SGPP1: variants seen among roughly 807,000 people sequenced by gnomAD.
SGPP1 encodes hSPP1.
In SGPP1, 21 loss-of-function variants were observed where a neutral mutation model predicts 33.0. That is an observed-to-expected ratio of 0.64 (90% CI 0.45 to 0.92). The LOEUF is 0.92. Ranked by LOEUF, SGPP1 falls within the 40% of genes least tolerant of loss-of-function variation. The pLI, the probability that SGPP1 is intolerant of heterozygous loss-of-function variation, is 0.00. For missense variants in SGPP1, 543 were observed against 589.4 expected (o/e 0.92, Z 0.81); for synonymous variants, 239 against 241.2 (o/e 0.99, Z 0.08).
In SGPP1 at chr14:63,727,627, G is replaced by A. The variant is rs1204963799; in HGVS notation, c.318C>T (p.Gly106=). Residue 106 remains glycine, a synonymous_variant, in exon 1 of 3, where the codon GGC becomes GGT. Coordinates refer to ENST00000247225, the MANE Select transcript of SGPP1 (RefSeq NM_030791.4). ...CCGTCAGCGAGTTGCGGCGCAGAGC[G>A]CCCGCGCGCCGCGGCGAGGCCGGGC... ...ELGPASPRRA[G]ALRRNSLTGE... is the part of the protein sequence containing the mutation. The A allele has an allele frequency of 3.5e-6, 5 of 1,432,484 alleles. No homozygotes were observed. Among genetic ancestry groups the A allele is most frequent in the Middle Eastern group, 2.0e-4 (1 of 4,982 alleles). 88.7% of individuals were successfully genotyped at this position (1,432,484 alleles called of 1,614,324 possible). A position where few individuals can be genotyped will look rare whatever the true frequency, so the allele number is the denominator to read the frequency against.
intron 1 of SGPP1, among the ~76,000 whole-genome samples, chr14:63,708,071 A>C (rs915346094): frequency 5.3e-5 from 8 of 152,098 alleles, no homozygotes; most frequent in Non-Finnish European, 1.0e-4. Context: ...ATTTTATAAA[A>C]AGTCAGAACT....
At chr14:63,725,179 C>T (rs1885854656) in intron 1 of SGPP1, among the ~76,000 whole-genome samples, 2 of 152,142 alleles carry the variant, frequency 1.3e-5, no homozygotes, top group Admixed American at 1.3e-4. Context: ...TCAAGACCAG[C>T]TTGGCCAAAA....
chr14:63,720,813 T>G (rs758885056), intron 1 of SGPP1, among the ~76,000 whole-genome samples: 2 of 152,134 alleles, frequency 1.3e-5, no homozygotes, highest in Non-Finnish European at 2.9e-5. Context: ...AAGTAGAGAC[T>G]ACCTCTGGGA....
intron 1 of SGPP1, among the ~76,000 whole-genome samples, chr14:63,710,880 G>A (rs148992191): frequency 1.3e-3 from 194 of 152,242 alleles, no homozygotes; most frequent in African/African-American, 4.5e-3. Flanking sequence ...AGGGCTAGCC[G>A]CATAATCTCT....
intron 2 of SGPP1, among the ~76,000 whole-genome samples, chr14:63,687,916 T>C (rs1355325356): frequency 6.6e-6 from 1 of 151,126 alleles, no homozygotes. Context: ...AGGTCAAGAG[T>C]TCAAGACCAG....
In SGPP1 at chr14:63,727,435, G is replaced by T. The variant is rs1280939274; in HGVS notation, c.510C>A (p.Val170=). The T allele has an allele frequency of 6.2e-7, 1 of 1,614,084 alleles. No individual in the cohort carries two copies. The highest frequency in any genetic ancestry group is 1.6e-4 in the Middle Eastern group (1 of 6,062). Residue 170 remains valine, a synonymous_variant, in exon 1 of 3, where the codon GTC becomes GTA. Transcript: ENST00000247225. The part of the protein sequence containing the change: ...GRRLVVIWVL[V]MYLGQCTKDI... The stretch of plus-strand genomic sequence containing the variant: ...CCTTGGTGCACTGGCCCAGGTACAT[G>T]ACCAGCACCCAGATGACCACGAGCC...
intron 2 of SGPP1, among the ~76,000 whole-genome samples, chr14:63,693,002 A>G (rs533366246): frequency 6.6e-6 from 1 of 152,174 alleles, no homozygotes; most frequent in South Asian, 2.1e-4. Flanking sequence ...AGGGGAGATC[A>G]TGGCTCACCA....
In SGPP1 at chr14:63,727,698, C is replaced by T; in HGVS notation, c.247G>A (p.Gly83Ser). The T allele has an allele frequency of 1.5e-6, 2 of 1,338,538 alleles. No homozygotes were observed. The highest frequency in any genetic ancestry group is 1.9e-6 in the Non-Finnish European group (2 of 1,050,540). The allele number at this position is 1,338,538 out of a possible 1,614,324, so 82.9% of individuals were successfully genotyped here. A position where few individuals can be genotyped will look rare whatever the true frequency, so the allele number is the denominator to read the frequency against. ...RNQCPAKPDG[G>S]GAPNGVRNGL... ...TTCCGCACGCCGTTGGGGGCGCCGC[C>T]GCCGTCCGGCTTGGCCGGGCACTGA... Residue 83 changes from glycine to serine, a missense_variant, in exon 1 of 3, where the codon GGC becomes AGC. Coordinates refer to ENST00000247225, the MANE Select transcript of SGPP1 (RefSeq NM_030791.4).
At chr14:63,697,998 T>C (rs1011211458) in intron 2 of SGPP1, among the ~76,000 whole-genome samples, 2 of 152,090 alleles carry the variant, frequency 1.3e-5, no homozygotes, top group Non-Finnish European at 2.9e-5. Flanking sequence ...TCAATAGGGA[T>C]AGCGAGGAGG....
chr14:63,691,719 T>C (rs1430927656), intron 2 of SGPP1, among the ~76,000 whole-genome samples: 1 of 152,174 alleles, frequency 6.6e-6, no homozygotes, highest in Non-Finnish European at 1.5e-5. Context: ...ATCAGTATTT[T>C]TTAAAAATCT....
intron 1 of SGPP1, among the ~76,000 whole-genome samples, chr14:63,708,680 TTTTTA>T: frequency 6.6e-6 from 1 of 152,308 alleles, no homozygotes; most frequent in Admixed American, 6.5e-5. Context: ...AGGTTAGTAA[TTTTTA>T]TTTGACATAC....
intron 1 of SGPP1, among the ~76,000 whole-genome samples, chr14:63,721,098 G>C (rs1322315517): frequency 6.6e-6 from 1 of 152,114 alleles, no homozygotes; most frequent in Non-Finnish European, 1.5e-5. Context: ...GGTCAGGCTG[G>C]TCTTGAACTC....
At chr14:63,708,316 C>T (rs1465257432) in intron 1 of SGPP1, among the ~76,000 whole-genome samples, 3 of 141,490 alleles carry the variant, frequency 2.1e-5, no homozygotes, top group African/African-American at 5.3e-5. Flanking sequence ...GAGTGCAATG[C>T]CCCATCTCGG....
intron 2 of SGPP1, among the ~76,000 whole-genome samples, chr14:63,697,017 C>T (rs1011903417): frequency 2.6e-5 from 4 of 151,964 alleles, no homozygotes; most frequent in African/African-American, 4.8e-5. Context: ...GTAGGGACTT[C>T]AAAAGGAGAG....
chr14:63,695,555 A>T (rs1885171231), intron 2 of SGPP1, among the ~76,000 whole-genome samples: 1 of 152,170 alleles, frequency 6.6e-6, no homozygotes, highest in Non-Finnish European at 1.5e-5. Flanking sequence ...ACTACACAAA[A>T]AGTAAAAATT....
chr14:63,692,670 T>G (rs562754571), intron 2 of SGPP1, among the ~76,000 whole-genome samples: 1 of 152,320 alleles, frequency 6.6e-6, no homozygotes, highest in Non-Finnish European at 1.5e-5. Flanking sequence ...CAGGCTGGTC[T>G]TGAACTCCTG....
At chr14:63,708,730 T>C (rs1885466595) in intron 1 of SGPP1, among the ~76,000 whole-genome samples, 1 of 152,206 alleles carries the variant, frequency 6.6e-6, no homozygotes, top group African/African-American at 2.4e-5. Flanking sequence ...TCTAAGAGCT[T>C]TTACAAATAT....
At chr14:63,725,429 A>G (rs1885859648) in intron 1 of SGPP1, among the ~76,000 whole-genome samples, 1 of 152,252 alleles carries the variant, frequency 6.6e-6, no homozygotes, top group Admixed American at 6.5e-5. Flanking sequence ...GAGTGAAAAA[A>G]TGTAAAATAA....
intron 1 of SGPP1, among the ~76,000 whole-genome samples, chr14:63,720,576 T>C (rs1185590034): frequency 1.3e-5 from 2 of 151,926 alleles, no homozygotes; most frequent in Non-Finnish European, 2.9e-5. Context: ...CTGGCCAACA[T>C]GCTGAAACCC....
Sources: gnomAD v4.1 joint callset for allele counts (sites outside exome capture counted in the v4.1 genomes callset) on GRCh38, gnomAD v4.1.1 for gene constraint, MANE v1.5 for transcripts, NCBI Gene and HGNC (gene_info 2026-07-23, HGNC 2026-07-21) for gene names.